IST1: variants seen among roughly 807,000 people sequenced by gnomAD.
IST1 encodes IST1 homolog.
Under a neutral mutation model 37.0 loss-of-function variants are expected in IST1, and 23 were observed. That is an observed-to-expected ratio of 0.62 (90% CI 0.45 to 0.88). The LOEUF is 0.88. Among genes scored for constraint, IST1 ranks in the 40% least tolerant of loss-of-function variants. IST1 has a pLI of 0.00. For missense variants in IST1, 488 were observed against 445.4 expected (o/e 1.10, Z -0.86); for synonymous variants, 180 against 161.7 (o/e 1.11, Z -0.86).
At position 71,922,586 on chromosome 16, in the gene IST1, G is replaced by C. The variant is rs1338639087; in HGVS notation, c.665G>C (p.Gly222Ala). 1 of 1,613,310 alleles carries C rather than the reference G, an allele frequency of 6.2e-7. No homozygotes were observed. Among genetic ancestry groups the C allele is most frequent in the Admixed American group, 1.7e-5 (1 of 59,870 alleles). ...AGTGGTGGCTTCACAGCACCAGTTG[G>C]TGGACCTGATGGAACGGTGCCAATG... is the stretch of plus-strand genomic sequence containing the variant. ...GGSGGFTAPV[G>A]GPDGTVPMPM... The change falls in exon 7 of 10, where the codon GGT becomes GCT. Residue 222 changes from glycine (G) to alanine (A), a missense_variant. By Grantham distance (60) the Gly-to-Ala change is moderately conservative. This residue lies in a region of IST1 where 455 missense variants were observed against 386.2 expected (regional missense o/e 1.18). Transcript: ENST00000378799.
intron 1 of IST1, among the ~76,000 whole-genome samples, chr16:71,908,735 A>G (rs2037284107): frequency 6.6e-6 from 1 of 152,190 alleles, no homozygotes; most frequent in African/African-American, 2.4e-5. Context: ...AGCCAGGACT[A>G]GAGAGCTCTT....
chr16:71,923,173 TTA>T, intron 7 of IST1, 113 bp from the exon 8 acceptor site: 3 of 538,736 alleles, frequency 5.6e-6, no homozygotes. Flanking sequence ...TCTTGAATAT[TTA>T]TATATATTTA....
intron 1 of IST1, chr16:71,903,222 C>G (rs1464564657): frequency 6.6e-6 from 1 of 152,248 alleles, no homozygotes; most frequent in African/African-American, 2.4e-5. Context: ...CTCAAGTGAT[C>G]CTCTCCCCTT....
rs2037850403 is a variant in IST1 at position 71,929,673 on chromosome 16, T to G, written c.*1860T>G. ...GTAGCAGTGTATCTATTAGTGCAGCTTCTTTCTGAGTATTGAAGACAAAAA... is the reference window on the plus strand; with the variant it reads ...GTAGCAGTGTATCTATTAGTGCAGCGTCTTTCTGAGTATTGAAGACAAAAA... On this transcript the variant is annotated 3_prime_UTR_variant, in exon 10 of 10. Coordinates refer to ENST00000378799, the MANE Select transcript of IST1 (RefSeq NM_001270975.2). 1.3e-6 allele frequency: 2 copies of G among 1,545,008 alleles called. No individual in the cohort carries two copies. The highest frequency in any genetic ancestry group is 4.1e-5 in the Admixed American group (2 of 49,028).
chr16:71,923,050 T>C, intron 7 of IST1: 1 of 469,876 alleles, frequency 2.1e-6, no homozygotes. Flanking sequence ...CTCGTTAGAG[T>C]TTTCCCTTGT....
At chr16:71,906,239 G>C (rs929269987) in intron 1 of IST1, among the ~76,000 whole-genome samples, 1 of 151,346 alleles carries the variant, frequency 6.6e-6, no homozygotes, top group Non-Finnish European at 1.5e-5. Context: ...TCCTGACCTC[G>C]TGATCCACCC....
At chr16:71,918,130 G>A (rs189131869) in intron 4 of IST1, among the ~76,000 whole-genome samples, 174 of 152,246 alleles carry the variant, frequency 1.1e-3, no homozygotes, top group Non-Finnish European at 1.8e-3. Flanking sequence ...TGGGTTGGTC[G>A]TTTTCTCCAG....
upstream of IST1, chr16:71,894,759 C>A (rs2036929102): frequency 1.1e-5 from 11 of 1,012,890 alleles, no homozygotes; most frequent in Admixed American, 4.2e-5. Context: ...TGGTCTGCAA[C>A]TCCCGGGCTC....
intron 5 of IST1, 120 bp from the exon 6 acceptor site, chr16:71,921,223 C>G (rs957910743): frequency 5.4e-5 from 36 of 670,388 alleles, no homozygotes; most frequent in Non-Finnish European, 1.1e-5. Flanking sequence ...TTTAACTGCT[C>G]TGAACCTTTT....
In IST1 at chr16:71,915,691, A is replaced by G; in HGVS notation, c.51A>G (p.Leu17=). The change falls in exon 2 of 10, where the codon TTA becomes TTG. Residue 17 remains leucine, a synonymous_variant. Transcript: ENST00000378799. The part of the protein sequence containing the change: ...KAERLRVNLR[L]VINRLKLLEK... ...AGCGCTTAAGAGTGAATTTGAGATT[A>G]GTCATAAATCGCCTTAAACTATTGG... 1 of 1,613,538 alleles carries G rather than the reference A, an allele frequency of 6.2e-7. No individual in the cohort carries two copies. The highest frequency in any genetic ancestry group is 8.5e-7 in the Non-Finnish European group (1 of 1,179,676).
chr16:71,923,645 C>T (rs1567473957), intron 8 of IST1: 2 of 327,778 alleles, frequency 6.1e-6, no homozygotes, highest in Non-Finnish European at 1.1e-5. Context: ...TTGTAGTGCT[C>T]TATGAGGGCA....
At chr16:71,923,230 A>T in intron 7 of IST1, 58 bp from the exon 8 acceptor site, 1 of 944,192 alleles carries the variant, frequency 1.1e-6, no homozygotes, top group Middle Eastern at 2.2e-4. Flanking sequence ...CCATACCCAA[A>T]CCTTCGAGAT....
In IST1 at chr16:71,899,928, C is replaced by T. The variant is rs200408234; in HGVS notation, c.-16+4339C>T. Among the ~76,000 whole-genome samples, 39 of 146,478 alleles carry T rather than the reference C, an allele frequency of 2.7e-4. No individual in the cohort carries two copies. The East Asian group carries it at 7.2e-3, about 27-fold the overall frequency. On this transcript the variant is annotated intron_variant, in intron 1 of 9. Transcript: ENST00000378799. ...GTCCCAGCTACTCGGGAGGCTGAGG[C>T]AGAGGTAGTAGTGAGCCAAGATTGC...
At position 71,930,042 on chromosome 16, in the gene IST1, A is replaced by G; in HGVS notation, c.*2229A>G. On this transcript the variant is annotated 3_prime_UTR_variant, in exon 10 of 10. Transcript: ENST00000378799. Reference sequence around the variant, plus strand: ...ATAACAGCATGCTAGTTTATCTTTTAGTTACCTACCTTAAGCGACTTTCTT... The same window carrying G: ...ATAACAGCATGCTAGTTTATCTTTTGGTTACCTACCTTAAGCGACTTTCTT... 1 of 1,545,004 alleles carries G rather than the reference A, an allele frequency of 6.5e-7. No homozygotes were observed. The highest frequency in any genetic ancestry group is 1.2e-5 in the South Asian group (1 of 83,402).
chr16:71,924,738 G>C (rs750515758), intron 8 of IST1, 31 bp from the exon 9 acceptor site: 12 of 1,559,040 alleles, frequency 7.7e-6, no homozygotes, highest in South Asian at 1.1e-5. Flanking sequence ...CACTATTGCT[G>C]TCTCCTCTGG....
Position 71,931,154 on chromosome 16 carries a change from G to A in IST1, c.*3341G>A, listed in dbSNP as rs1371894826. On this transcript the variant is annotated 3_prime_UTR_variant, in exon 10 of 10. Transcript: ENST00000378799. ...ATTTTTATGTACAATTACATCCAAA[G>A]CAGAAAAGTTCCTTTTTTATCCCCA... 2.0e-5 allele frequency: 3 copies of A among 152,088 alleles called. No homozygotes were observed. The highest frequency in any genetic ancestry group is 7.2e-5 in the African/African-American group (3 of 41,402). The allele number at this position is 152,088 out of a possible 1,614,324, so 9.4% of individuals were successfully genotyped here. A position where few individuals can be genotyped will look rare whatever the true frequency, so the allele number is the denominator to read the frequency against.
chr16:71,912,596 A>G (rs1396405154), intron 1 of IST1, among the ~76,000 whole-genome samples: 1 of 152,210 alleles, frequency 6.6e-6, no homozygotes, highest in African/African-American at 2.4e-5. Context: ...TTGAGAATTA[A>G]AAATTTAACT....
At chr16:71,911,918 A>G (rs1015073609) in intron 1 of IST1, among the ~76,000 whole-genome samples, 1 of 151,758 alleles carries the variant, frequency 6.6e-6, no homozygotes. Flanking sequence ...GAGTTTCACC[A>G]TGTTGCCCGG....
chr16:71,921,680 G>T, intron 6 of IST1: 1 of 457,120 alleles, frequency 2.2e-6, no homozygotes, highest in Non-Finnish European at 4.0e-6. Context: ...AATGTAAAAT[G>T]GCACTATTAT....
Sources: allele counts gnomAD v4.1 joint callset (sites outside exome capture counted in the v4.1 genomes callset), GRCh38; gene constraint gnomAD v4.1.1; regional missense constraint gnomAD v4.1.1; transcripts MANE v1.5; gene names NCBI Gene and HGNC (gene_info 2026-07-23, HGNC 2026-07-21).